Variants in SEC23IP observed in about 807,000 individuals in gnomAD.
The protein encoded by SEC23IP is SEC23-interacting protein.
SEC23IP carries 70 observed loss-of-function variants against 113.4 expected under a neutral mutation model. The observed-to-expected ratio is 0.62, with a 90% confidence interval of 0.51 to 0.75. The LOEUF is 0.75. Ranked by LOEUF, SEC23IP falls within the 30% of genes least tolerant of loss-of-function variation. The probability of loss-of-function intolerance (pLI) is 0.00; values close to 1 mark genes in which losing one functional copy is unlikely to be tolerated. For missense variants in SEC23IP, 1,160 were observed against 1,204.9 expected (o/e 0.96, Z 0.55); for synonymous variants, 398 against 421.0 (o/e 0.95, Z 0.67).
At chr10:119,933,975 A>T (rs1274742564) in intron 18 of SEC23IP, among the ~76,000 whole-genome samples, 188 bp downstream of exon 18, 2 of 152,242 alleles carry the variant, frequency 1.3e-5, no homozygotes, top group African/African-American at 2.4e-5. Flanking sequence ...GATTTATTAC[A>T]GTCTTCTTTC....
intron 18 of SEC23IP, among the ~76,000 whole-genome samples, chr10:119,934,361 T>C (rs1291636194): frequency 1.3e-5 from 2 of 152,232 alleles, no homozygotes; most frequent in Non-Finnish European, 2.9e-5. Flanking sequence ...ACCTATTGAC[T>C]AGGCCTGTGT....
At position 119,912,041 on chromosome 10, in the gene SEC23IP, A is replaced by G; in HGVS notation, c.1192-3A>G. 1 of 1,613,598 alleles carries G rather than the reference A, an allele frequency of 6.2e-7. No homozygotes were observed. Among genetic ancestry groups the G allele is most frequent in the Non-Finnish European group, 8.5e-7 (1 of 1,179,812 alleles). On this transcript the variant is annotated splice_polypyrimidine_tract_variant and splice_region_variant and intron_variant, in intron 5 of 18. Transcript: ENST00000369075. ...TTTGTCATAATTCTGTTGCATCTTG[A>G]AGGTTATTGTTCAGTTCCAGCCCTC...
intron 3 of SEC23IP, among the ~76,000 whole-genome samples, chr10:119,903,507 T>A (rs984191909): frequency 3.3e-5 from 5 of 152,226 alleles, no homozygotes; most frequent in African/African-American, 1.2e-4. Flanking sequence ...TATTATTATA[T>A]CACTGTATTA....
At position 119,914,805 on chromosome 10, in the gene SEC23IP, G is replaced by A; in HGVS notation, c.1388G>A (p.Ser463Asn). ...IGPVCDLRFRSIIECVDDFRV... is the reference protein window; with the variant it reads ...IGPVCDLRFRNIIECVDDFRV... ...CCTGTGTGTGACTTACGCTTTAGGA[G>A]CATTATTGAGTGTGGTAAGTGTTGG... Residue 463 changes from serine to asparagine, a missense_variant, in exon 7 of 19, where the codon AGC (serine) becomes AAC (asparagine). Ser to Asn is a conservative substitution (Grantham distance 46, BLOSUM62 1). Transcript: ENST00000369075. The A allele has an allele frequency of 6.2e-7, 1 of 1,613,944 alleles. No individual in the cohort carries two copies. Among genetic ancestry groups the A allele is most frequent in the Non-Finnish European group, 8.5e-7 (1 of 1,179,808 alleles).
chr10:119,922,287 T>A (rs1855274847), intron 12 of SEC23IP, among the ~76,000 whole-genome samples: 1 of 152,154 alleles, frequency 6.6e-6, no homozygotes, highest in African/African-American at 2.4e-5. Flanking sequence ...TGTGTTTTCC[T>A]GTAGCATCAG....
chr10:119,905,041 G>A (rs1301212753), intron 4 of SEC23IP, among the ~76,000 whole-genome samples: 1 of 152,098 alleles, frequency 6.6e-6, no homozygotes, highest in Non-Finnish European at 1.5e-5. Flanking sequence ...GGCTGAAGAG[G>A]AAGGATCACC....
Position 119,926,288 on chromosome 10 carries a change from TG to T in SEC23IP, c.2313+64del. The T allele has an allele frequency of 2.1e-6, 3 of 1,454,246 alleles. No individual in the cohort carries two copies. The South Asian group carries it at 4.1e-5, about 20-fold the overall frequency. The allele number at this position is 1,454,246 out of a possible 1,614,324, so 90.1% of individuals were successfully genotyped here. A position where few individuals can be genotyped will look rare whatever the true frequency, so the allele number is the denominator to read the frequency against. On this transcript the variant is annotated intron_variant, in intron 13 of 18. Coordinates refer to ENST00000369075, the MANE Select transcript of SEC23IP (RefSeq NM_007190.4). ...TGTTGGAATCATAATCTTTATCATT[TG>T]GGTTGGCTTTAAGTTCTTTAAATAT...
At chr10:119,940,348 C>A (rs757211730) in intron 18 of SEC23IP, among the ~76,000 whole-genome samples, 21 of 151,960 alleles carry the variant, frequency 1.4e-4, no homozygotes, top group Non-Finnish European at 2.5e-4. Context: ...CCACCATGCC[C>A]AGCTAATTTT....
intron 1 of SEC23IP, 31 bp from the exon 2 acceptor site, chr10:119,898,396 T>G: frequency 6.3e-7 from 1 of 1,583,698 alleles, no homozygotes; most frequent in South Asian, 1.2e-5. Flanking sequence ...AGAGTACCCT[T>G]TAAACCACAT....
intron 12 of SEC23IP, among the ~76,000 whole-genome samples, chr10:119,923,768 C>G (rs917478756): frequency 6.6e-6 from 1 of 152,174 alleles, no homozygotes; most frequent in Non-Finnish European, 1.5e-5. Flanking sequence ...AGGCTGGTCT[C>G]AATCTCCTGA....
At chr10:119,905,460 C>T (rs964366113) in intron 4 of SEC23IP, among the ~76,000 whole-genome samples, 4 of 152,152 alleles carry the variant, frequency 2.6e-5, no homozygotes, top group African/African-American at 7.2e-5. Flanking sequence ...TATCCACATA[C>T]TGACCACTGC....
At chr10:119,901,201 A>T (rs1854488748) in intron 2 of SEC23IP, among the ~76,000 whole-genome samples, 1 of 151,540 alleles carries the variant, frequency 6.6e-6, no homozygotes, top group African/African-American at 2.4e-5. Flanking sequence ...TAGAAACGGT[A>T]TTGCTGTGTT....
chr10:119,916,306 G>GTC (rs2134490999), intron 8 of SEC23IP, among the ~76,000 whole-genome samples: 1 of 152,302 alleles, frequency 6.6e-6, no homozygotes, highest in South Asian at 2.1e-4. Context: ...AGATGCTCTT[G>GTC]TCAGGACAAT....
chr10:119,935,577 T>C (rs1855750299), intron 18 of SEC23IP, among the ~76,000 whole-genome samples: 1 of 152,182 alleles, frequency 6.6e-6, no homozygotes, highest in African/African-American at 2.4e-5. Context: ...ATCCGTCCAT[T>C]CATCCATCCG....
At chr10:119,936,104 ATACTT>A (rs1855770467) in intron 18 of SEC23IP, among the ~76,000 whole-genome samples, 4 of 152,152 alleles carry the variant, frequency 2.6e-5, no homozygotes, top group East Asian at 1.9e-4. Flanking sequence ...TTTTATTAAA[ATACTT>A]TATTTTACCC....
At chr10:119,937,590 C>T (rs1855836321) in intron 18 of SEC23IP, among the ~76,000 whole-genome samples, 1 of 151,494 alleles carries the variant, frequency 6.6e-6, no homozygotes, top group Non-Finnish European at 1.5e-5. Context: ...TGTGCCACTG[C>T]ACTCCCACCT....
At chr10:119,937,893 A>G (rs1339540677) in intron 18 of SEC23IP, among the ~76,000 whole-genome samples, 5 of 152,048 alleles carry the variant, frequency 3.3e-5, no homozygotes, top group African/African-American at 2.4e-5. Context: ...TTTAATTAAT[A>G]TTTGTTTCCT....
chr10:119,918,492 T>A lies in SEC23IP; in HGVS notation c.1853T>A (p.Leu618Gln). The stretch of plus-strand genomic sequence containing the variant: ...GTTGCTAATGGAGTTGTGAAGCAGC[T>A]ACATTTTCAGGAAAAGCAGGTACGT... ...LAVANGVVKQLHFQEKQMPEE... is the reference protein window; with the variant it reads ...LAVANGVVKQQHFQEKQMPEE... Residue 618 changes from leucine (L) to glutamine (Q), a missense_variant, in exon 10 of 19, where the codon CTA becomes CAA. Coordinates refer to ENST00000369075, the MANE Select transcript of SEC23IP (RefSeq NM_007190.4). 1 of 1,610,968 alleles carries A rather than the reference T, an allele frequency of 6.2e-7. No individual in the cohort carries two copies.
At chr10:119,904,030 T>A in intron 3 of SEC23IP, 54 bp from the exon 4 acceptor site, 1 of 1,578,020 alleles carries the variant, frequency 6.3e-7, no homozygotes, top group South Asian at 1.1e-5. Context: ...GATTATTTAT[T>A]ATTTTACAAT....
Sources: allele counts gnomAD v4.1 joint callset (sites outside exome capture counted in the v4.1 genomes callset), GRCh38; gene constraint gnomAD v4.1.1; transcripts MANE v1.5; gene names NCBI Gene and HGNC (gene_info 2026-07-23, HGNC 2026-07-21).